The following PVT1 variants were observed in gnomAD, a reference collection of about 807,000 sequenced individuals.
PVT1 encodes the protein CXCR4/PVT1 fusion.
At chr8:127,962,299 C>T (rs1563651409) in intron 3 of PVT1, among the ~76,000 whole-genome samples, 2 of 152,178 alleles carry the variant, frequency 1.3e-5, no homozygotes, top group Non-Finnish European at 2.9e-5. Context: ...GGCTGGCTCA[C>T]TGGGAGTGGG....
chr8:127,969,953 C>T (rs1395920584), intron 3 of PVT1, among the ~76,000 whole-genome samples: 1 of 152,126 alleles, frequency 6.6e-6, no homozygotes, highest in Non-Finnish European at 1.5e-5. Flanking sequence ...TTGCAGTGGG[C>T]CCAGGGGTGA....
At chr8:127,845,947 C>T (rs942445701) in intron 2 of PVT1, among the ~76,000 whole-genome samples, 1 of 152,228 alleles carries the variant, frequency 6.6e-6, no homozygotes, top group African/African-American at 2.4e-5. Flanking sequence ...TCACATCCCA[C>T]CCACACTTTG....
chr8:127,817,715 C>T (rs1459114667), intron 2 of PVT1, among the ~76,000 whole-genome samples: 1 of 148,468 alleles, frequency 6.7e-6, no homozygotes, highest in Non-Finnish European at 1.5e-5. Flanking sequence ...GACCCTGTCT[C>T]TACAAAAATG....
At position 128,032,213 on chromosome 8, in the gene PVT1, A is replaced by G. The variant is rs73357340; in HGVS notation, n.913-37947A>G. On this transcript the variant is annotated intron_variant and non_coding_transcript_variant, in intron 4 of 10. Coordinates refer to ENST00000651587, the Ensembl canonical transcript of PVT1. ...GAGGCCCAGAGCTGAGGAGGAGGAC[A>G]TGGGTGTAGAAACGGTCGCAGCCCA... Among the ~76,000 whole-genome samples, 1,397 of 152,292 alleles carry G rather than the reference A, an allele frequency of 9.2e-3. 25 individuals are homozygous for G. The highest frequency in any genetic ancestry group is 0.032 in the African/African-American group (1,335 of 41,556).
At chr8:127,962,325 G>GTT (rs1816654620) in intron 3 of PVT1, among the ~76,000 whole-genome samples, 1 of 152,208 alleles carries the variant, frequency 6.6e-6, no homozygotes, top group African/African-American at 2.4e-5. Context: ...CATTTAGGGG[G>GTT]TTGTTGTTGT....
chr8:128,017,393 A>C (rs1287571472), intron 4 of PVT1, among the ~76,000 whole-genome samples: 2 of 152,176 alleles, frequency 1.3e-5, no homozygotes, highest in East Asian at 3.9e-4. Context: ...TGAGACATGA[A>C]GAATGTGTTG....
At chr8:128,078,690 T>C (rs1732011281) in intron 5 of PVT1, among the ~76,000 whole-genome samples, 1 of 152,224 alleles carries the variant, frequency 6.6e-6, no homozygotes, top group South Asian at 2.1e-4. Flanking sequence ...AAGTCAAATA[T>C]AAGAAATTGA....
At chr8:128,058,641 T>G (rs1289068020) in intron 4 of PVT1, among the ~76,000 whole-genome samples, 1 of 152,212 alleles carries the variant, frequency 6.6e-6, no homozygotes, top group African/African-American at 2.4e-5. Context: ...ATAAACAGTG[T>G]TGGTATGAAT....
intron 3 of PVT1, among the ~76,000 whole-genome samples, chr8:127,971,814 G>A (rs1425168827): frequency 1.3e-5 from 2 of 152,184 alleles, no homozygotes; most frequent in African/African-American, 4.8e-5. Flanking sequence ...TCACCACCGG[G>A]ACAGAAACGG....
At chr8:128,095,770 G>T (rs1273869003) in intron 5 of PVT1, among the ~76,000 whole-genome samples, 1 of 152,234 alleles carries the variant, frequency 6.6e-6, no homozygotes, top group Non-Finnish European at 1.5e-5. Context: ...TCCCTTGTTT[G>T]TTAGCGTTGC....
At chr8:127,875,062 A>G (rs1285914080) in intron 2 of PVT1, among the ~76,000 whole-genome samples, 1 of 152,184 alleles carries the variant, frequency 6.6e-6, no homozygotes, top group Non-Finnish European at 1.5e-5. Context: ...GTCCTCCACT[A>G]TAATGATGAG....
intron 3 of PVT1, among the ~76,000 whole-genome samples, chr8:127,987,709 G>A (rs1816985006): frequency 6.6e-6 from 1 of 152,192 alleles, no homozygotes; most frequent in Non-Finnish European, 1.5e-5. Context: ...AGTAGAACTG[G>A]GACACCAACC....
chr8:127,968,414 A>G (rs1254293507), intron 3 of PVT1, among the ~76,000 whole-genome samples: 4 of 152,140 alleles, frequency 2.6e-5, no homozygotes, highest in Admixed American at 6.5e-5. Flanking sequence ...CTCTTTCAAA[A>G]ATACCATTAG....
intron 5 of PVT1, among the ~76,000 whole-genome samples, chr8:128,077,025 C>T (rs996929321): frequency 5.3e-5 from 8 of 152,214 alleles, no homozygotes; most frequent in Non-Finnish European, 1.2e-4. Context: ...ACAGAGGTCA[C>T]AGGATCTGAT....
chr8:127,813,853 G>A (rs1327165904), intron 2 of PVT1, among the ~76,000 whole-genome samples: 1 of 152,186 alleles, frequency 6.6e-6, no homozygotes, highest in African/African-American at 2.4e-5. Context: ...CACGATCTCG[G>A]CTCACTGCAC....
chr8:127,841,974 T>G (rs1434788903), intron 2 of PVT1, among the ~76,000 whole-genome samples: 1 of 135,626 alleles, frequency 7.4e-6, no homozygotes, highest in East Asian at 2.0e-4. Flanking sequence ...TCCACCCTCC[T>G]CGGCCTCCCA....
At chr8:128,015,191 G>A (rs1817359262) in intron 4 of PVT1, among the ~76,000 whole-genome samples, 1 of 152,130 alleles carries the variant, frequency 6.6e-6, no homozygotes, top group South Asian at 2.1e-4. Flanking sequence ...CTGGGTTCAA[G>A]CGATTCTCGT....
intron 4 of PVT1, among the ~76,000 whole-genome samples, chr8:127,994,469 A>G (rs994127429): frequency 8.5e-5 from 13 of 152,200 alleles, no homozygotes; most frequent in Non-Finnish European, 1.5e-4. Flanking sequence ...CAGAGTGGAT[A>G]AAAAAGAGCT....
chr8:127,939,644 C>T (rs1448532415), intron 3 of PVT1: 2 of 152,182 alleles, frequency 1.3e-5, no homozygotes, highest in African/African-American at 2.4e-5. Flanking sequence ...TTGGTGTTCC[C>T]CTTTTACTGC....
Sources: gnomAD v4.1 joint callset for allele counts (sites outside exome capture counted in the v4.1 genomes callset) on GRCh38, gnomAD v4.1.1 for gene constraint, MANE v1.5 for transcripts, NCBI Gene and HGNC (gene_info 2026-07-23, HGNC 2026-07-21) for gene names.